AR: variants seen among roughly 807,000 people sequenced by gnomAD.
AR encodes the protein dihydrotestosterone receptor.
Under a neutral mutation model 53.9 loss-of-function variants are expected in AR, and 8 were observed. That is an observed-to-expected ratio of 0.15 (90% CI 0.09 to 0.27). AR has a LOEUF of 0.27. Ranked by LOEUF, AR falls within the 10% of genes least tolerant of loss-of-function variation. AR has a pLI of 1.00. For synonymous variants in AR, 359 were observed against 316.4 expected (o/e 1.13, Z -1.43); for missense variants, 639 against 742.5 (o/e 0.86, Z 1.62).
intron 2 of AR, among the ~76,000 whole-genome samples, chrX:67,645,351 G>A (rs992013805): frequency 3.4e-4 from 38 of 111,492 alleles, no homozygotes; most frequent in African/African-American, 1.2e-3. Context: ...AGAAGTTAGA[G>A]CTGAAGGAGG....
chrX:67,613,829 A>G (rs921924530), intron 1 of AR, among the ~76,000 whole-genome samples: 1 of 112,247 alleles, frequency 8.9e-6, no homozygotes, highest in Non-Finnish European at 1.9e-5. Flanking sequence ...ATGGATAACT[A>G]TGCCTAAAAC....
intron 1 of AR, among the ~76,000 whole-genome samples, chrX:67,548,905 TG>T (rs765603033): frequency 1.1e-4 from 12 of 111,633 alleles, no homozygotes; most frequent in Non-Finnish European, 2.1e-4. Context: ...TTCTGGTTTG[TG>T]ATTGCTGCAC....
intron 1 of AR, among the ~76,000 whole-genome samples, chrX:67,599,037 G>T (rs1923217234): frequency 9.0e-6 from 1 of 111,338 alleles, no homozygotes; most frequent in Non-Finnish European, 1.9e-5. Context: ...AGGAGGTGGA[G>T]AGAACTAACC....
chrX:67,547,141 A>C (rs1043276048), intron 1 of AR, among the ~76,000 whole-genome samples: 4 of 111,551 alleles, frequency 3.6e-5, no homozygotes, highest in African/African-American at 1.3e-4. Context: ...GAGAACCTCA[A>C]CAGGAATTTG....
intron 3 of AR, among the ~76,000 whole-genome samples, chrX:67,708,906 C>T (rs2076081113): frequency 8.9e-6 from 1 of 112,253 alleles, no homozygotes; most frequent in Non-Finnish European, 1.9e-5. Context: ...TGGAGGTCCA[C>T]TCTAGACCCT....
chrX:67,711,659 C>A lies in AR; in HGVS notation c.2143C>A (p.His715Asn). The A allele has an allele frequency of 8.3e-7, 1 of 1,207,280 alleles. No homozygotes were observed. Among genetic ancestry groups the A allele is most frequent in the Non-Finnish European group, 1.1e-6 (1 of 893,042 alleles). ...TGAACTGGGAGAGAGACAGCTTGTA[C>A]ACGTGGTCAAGTGGGCCAAGGCCTT... ...LNELGERQLV[H>N]VVKWAKALPG... The change falls in exon 4 of 8, where the codon CAC becomes AAC. Residue 715 changes from histidine (H) to asparagine (N), a missense_variant. By Grantham distance (68) the His-to-Asn change is moderately conservative. This residue lies in a region of AR where 95 missense variants were observed against 196.4 expected (regional missense o/e 0.48). Coordinates refer to ENST00000374690, the MANE Select transcript of AR (RefSeq NM_000044.6).
chrX:67,672,616 A>G (rs932986305), intron 2 of AR, among the ~76,000 whole-genome samples: 2 of 111,462 alleles, frequency 1.8e-5, no homozygotes, highest in Non-Finnish European at 3.8e-5. Context: ...AAAACATGGA[A>G]AGAGAAAACT....
chrX:67,647,033 C>T (rs1602223409), intron 2 of AR, among the ~76,000 whole-genome samples: 1 of 111,317 alleles, frequency 9.0e-6, no homozygotes, highest in South Asian at 3.8e-4. Flanking sequence ...TCTATTTTCT[C>T]ATCTGGAAAA....
In AR at chrX:67,725,451, GAA is replaced by G; in HGVS notation, c.*1613_*1614del. 1 of 175,822 alleles carries G rather than the reference GAA, an allele frequency of 5.7e-6. No homozygotes were observed. Among genetic ancestry groups the G allele is most frequent in the Non-Finnish European group, 1.1e-5 (1 of 91,805 alleles). The allele number at this position is 175,822 out of a possible 1,213,427, so 14.5% of individuals were successfully genotyped here. On this transcript the variant is annotated 3_prime_UTR_variant, in exon 8 of 8. Transcript: ENST00000374690. ...GGGCTACCCAGATCAGGGTTGAAGA[GAA>G]AACTCAATTACCAGGGTGGGAAGAA...
rs1019457656 is a variant in AR at position 67,727,498 on chromosome X, C to T, written c.*3657C>T. The T allele has an allele frequency of 5.8e-6, 1 of 172,830 alleles. No homozygotes were observed. Among genetic ancestry groups the T allele is most frequent in the Non-Finnish European group, 1.1e-5 (1 of 89,786 alleles). 14.2% of individuals were successfully genotyped at this position (172,830 alleles called of 1,213,427 possible). On this transcript the variant is annotated 3_prime_UTR_variant, in exon 8 of 8. Coordinates refer to ENST00000374690, the MANE Select transcript of AR (RefSeq NM_000044.6). ...CTTTAAGAGAAAATATGTCCACCAT[C>T]CACATGATGCACAAATGAGCTAACA...
intron 2 of AR, among the ~76,000 whole-genome samples, chrX:67,663,749 C>T (rs1372369905): frequency 2.7e-5 from 3 of 112,425 alleles, no homozygotes; most frequent in African/African-American, 9.7e-5. Context: ...CTCCCCATCA[C>T]TTTCAGGTAC....
In AR at chrX:67,717,503, C is replaced by T. The variant is rs2147530672; in HGVS notation, c.2199C>T (p.Asp733=). ...LPGFRNLHVD[D]QMAVIQYSWM... is the part of the protein sequence containing the mutation. Reference sequence around the variant, plus strand: ...GCTTCCGCAACTTACACGTGGACGACCAGATGGCTGTCATTCAGTACTCCT... The same window carrying T: ...GCTTCCGCAACTTACACGTGGACGATCAGATGGCTGTCATTCAGTACTCCT... The change falls in exon 5 of 8, where the codon GAC becomes GAT. Residue 733 remains aspartate, a synonymous_variant. Transcript: ENST00000374690. 8.3e-7 allele frequency: 1 copy of T among 1,211,962 alleles called. No homozygotes were observed. Among genetic ancestry groups the T allele is most frequent in the Middle Eastern group, 2.3e-4 (1 of 4,336 alleles).
rs947252230 is a variant in AR, at chrX:67,641,513, C to T, written c.1617-1743C>T. 5.4e-5 allele frequency among the ~76,000 whole-genome samples: 6 copies of T among 111,749 alleles called. No individual in the cohort carries two copies. The Admixed American group carries it at 5.7e-4, about 11-fold the overall frequency. On this transcript the variant is annotated intron_variant, in intron 1 of 7. Coordinates refer to ENST00000374690, the MANE Select transcript of AR (RefSeq NM_000044.6). ...TACCCAAGGAAATGACATTTTTAGC[C>T]AAAAGAAATGATCTTAGCATTTAGC...
chrX:67,683,767 G>C (rs1317109535), intron 2 of AR, among the ~76,000 whole-genome samples: 1 of 111,613 alleles, frequency 9.0e-6, no homozygotes, highest in African/African-American at 3.3e-5. Context: ...ACTTACTCCT[G>C]AGTAAATTGT....
At chrX:67,652,546 G>A (rs1389725000) in intron 2 of AR, among the ~76,000 whole-genome samples, 1 of 112,051 alleles carries the variant, frequency 8.9e-6, no homozygotes, top group Non-Finnish European at 1.9e-5. Context: ...ACTTTCCTGG[G>A]TTTGTATAGC....
intron 5 of AR, among the ~76,000 whole-genome samples, chrX:67,720,097 T>A (rs999632188): frequency 1.8e-5 from 2 of 111,799 alleles, no homozygotes; most frequent in Non-Finnish European, 3.8e-5. Flanking sequence ...CCTTTCTATA[T>A]GTCATTTATT....
At chrX:67,596,240 CTT>C (rs200611811) in intron 1 of AR, among the ~76,000 whole-genome samples, 1 of 100,908 alleles carries the variant, frequency 9.9e-6, no homozygotes, top group African/African-American at 3.6e-5. Context: ...AATTAAACCT[CTT>C]TTTTTTTTTT....
intron 1 of AR, among the ~76,000 whole-genome samples, chrX:67,636,621 C>T (rs1328318476): frequency 1.8e-5 from 2 of 111,857 alleles, no homozygotes; most frequent in Admixed American, 1.9e-4. Context: ...CATGTGCCTC[C>T]TAGTACATAT....
At chrX:67,668,424 G>A (rs1193203768) in intron 2 of AR, among the ~76,000 whole-genome samples, 1 of 111,575 alleles carries the variant, frequency 9.0e-6, no homozygotes, top group Non-Finnish European at 1.9e-5. Context: ...ACTTAGTCAT[G>A]GTGAATGAAC....
Sources: gnomAD v4.1 joint callset for allele counts (sites outside exome capture counted in the v4.1 genomes callset) on GRCh38, gnomAD v4.1.1 for gene constraint, gnomAD v4.1.1 regional missense constraint, MANE v1.5 for transcripts, NCBI Gene and HGNC (gene_info 2026-07-23, HGNC 2026-07-21) for gene names.